The following CEP104 variants were observed in gnomAD, a reference collection of about 807,000 sequenced individuals.
CEP104 encodes the protein centrosomal protein of 104 kDa.
In CEP104, 84 loss-of-function variants were observed where a neutral mutation model predicts 113.3. The ratio of observed to expected loss-of-function variants is 0.74; its 90% CI spans 0.62 to 0.89. CEP104 has a LOEUF of 0.89. CEP104 is among the 40% of genes least tolerant of loss of function. CEP104 has a pLI of 0.00. For missense variants in CEP104, 1,053 were observed against 1,156.6 expected (o/e 0.91, Z 1.30); for synonymous variants, 378 against 421.7 (o/e 0.90, Z 1.27).
Position 3,840,279 on chromosome 1 carries a change from T to C in CEP104, c.567-503A>G, listed in dbSNP as rs78497666. 3.3e-5 allele frequency among the ~76,000 whole-genome samples: 5 copies of C among 152,232 alleles called. No homozygotes were observed. In the South Asian group the frequency reaches 8.3e-4, roughly 25 times the overall value. On this transcript the variant is annotated intron_variant, in intron 6 of 21. Coordinates refer to ENST00000378230, the MANE Select transcript of CEP104 (RefSeq NM_014704.4). The stretch of plus-strand genomic sequence containing the variant: ...GGAGGCGGAGTCTCACTCTGTTGCC[T>C]AGGCTGGAGTGCAATGGCGCAATCT...
Position 3,853,936 on chromosome 1 carries a change from C to A in CEP104, c.-14-1515G>T, listed in dbSNP as rs577984082. 4.6e-5 allele frequency among the ~76,000 whole-genome samples: 7 copies of A among 152,154 alleles called. No individual in the cohort carries two copies. In the East Asian group the frequency reaches 1.3e-3, roughly 29 times the overall value. On this transcript the variant is annotated intron_variant, in intron 1 of 21. Transcript: ENST00000378230. ...AGAGTGAGACCCCGTTTCTAAAAAA[C>A]CAAACAAAAAAAGAATTTTGAAAGG...
chr1:3,839,889 G>T, intron 6 of CEP104, 113 bp from the exon 7 acceptor site: 1 of 836,574 alleles, frequency 1.2e-6, no homozygotes, highest in African/African-American at 1.7e-5. Flanking sequence ...ATGGTTCACA[G>T]AGCATTTCCT....
rs1177899876 is a variant in CEP104 at position 3,822,970 on chromosome 1, A to G, written c.2571+204T>C. The G allele has an allele frequency of 1.7e-5, 10 of 602,434 alleles. No individual in the cohort carries two copies. The Admixed American group carries it at 2.7e-4, about 16-fold the overall frequency. 37.3% of individuals were successfully genotyped at this position (602,434 alleles called of 1,614,324 possible). A position where few individuals can be genotyped will look rare whatever the true frequency, so the allele number is the denominator to read the frequency against. ...TGAGGCTCCTCGATAAACCATTCAT[A>G]AATGTACGGAAGGAAATCATGTGAA... On this transcript the variant is annotated intron_variant, in intron 20 of 21. Coordinates refer to ENST00000378230, the MANE Select transcript of CEP104 (RefSeq NM_014704.4).
At position 3,823,412 on chromosome 1, in the gene CEP104, A is replaced by G; in HGVS notation, c.2503+12T>C. 1 of 1,614,178 alleles carries G rather than the reference A, an allele frequency of 6.2e-7. No homozygotes were observed. Among genetic ancestry groups the G allele is most frequent in the South Asian group, 1.1e-5 (1 of 91,084 alleles). ...GACCCGAGGGCACGGGAGCCTGGGA[A>G]GGGGCACTCACGGTTGCAATCCTTG... On this transcript the variant is annotated intron_variant, in intron 19 of 21. Coordinates refer to ENST00000378230, the MANE Select transcript of CEP104 (RefSeq NM_014704.4). The surrounding 1 kb of genome is among the most constrained non-coding windows in gnomAD (Gnocchi z 4.1).
intron 20 of CEP104, among the ~76,000 whole-genome samples, chr1:3,817,728 G>C (rs1279652580): frequency 6.6e-6 from 1 of 152,206 alleles, no homozygotes; most frequent in Non-Finnish European, 1.5e-5. Context: ...CCCCAGCACA[G>C]AGGTGGCAGG....
In CEP104 at chr1:3,837,523, G is replaced by C. The variant is rs771991943; in HGVS notation, c.892-4C>G. 21 of 1,613,294 alleles carry C rather than the reference G, an allele frequency of 1.3e-5. No individual in the cohort carries two copies. Among genetic ancestry groups the C allele is most frequent in the Non-Finnish European group, 1.8e-5 (21 of 1,179,418 alleles). ...GCAAATCAAAAGGTCTTCGCATCTA[G>C]AGAACAAAAAGGAACATTTAATTTC... On this transcript the variant is annotated splice_region_variant and splice_polypyrimidine_tract_variant and intron_variant, in intron 8 of 21. Transcript: ENST00000378230.
At chr1:3,818,087 G>A (rs1643907325) in intron 20 of CEP104, among the ~76,000 whole-genome samples, 1 of 152,256 alleles carries the variant, frequency 6.6e-6, no homozygotes, top group South Asian at 2.1e-4. Context: ...GCTGAACCCA[G>A]CCAGGCCAGC....
At chr1:3,832,652 T>A (rs559056577) in intron 12 of CEP104, among the ~76,000 whole-genome samples, 3 of 152,188 alleles carry the variant, frequency 2.0e-5, no homozygotes, top group Non-Finnish European at 2.9e-5. Flanking sequence ...TGAAACTAGA[T>A]CTGTGGTTCC....
At chr1:3,847,205 C>A (rs1024561403) in intron 4 of CEP104, among the ~76,000 whole-genome samples, 1 of 152,196 alleles carries the variant, frequency 6.6e-6, no homozygotes, top group African/African-American at 2.4e-5. Context: ...AACTCTTTCG[C>A]GTTCTCCTTT....
At chr1:3,832,516 G>GACCAGGAGTGTAGTGTAGGTCATA (rs1355018249) in intron 12 of CEP104, among the ~76,000 whole-genome samples, 2 of 89,538 alleles carry the variant, frequency 2.2e-5, no homozygotes, top group Non-Finnish European at 5.7e-5. Context: ...TGTAGGTCGT[G>GACCAGGAGTGTAGTGTAGGTCATA]ACCAGGAGTG....
chr1:3,834,090 G>A, intron 11 of CEP104, 55 bp from the exon 12 acceptor site: 4 of 1,361,536 alleles, frequency 2.9e-6, no homozygotes, highest in South Asian at 2.4e-5. Context: ...TCCACCAAGA[G>A]GAAACATGGC....
intron 20 of CEP104, 197 bp downstream of exon 20, chr1:3,822,977 C>A (rs894141099): frequency 3.3e-6 from 2 of 613,072 alleles, no homozygotes; most frequent in African/African-American, 1.8e-5. Context: ...CATAAATGTA[C>A]GGAAGGAAAT....
intron 18 of CEP104, 48 bp downstream of exon 18, chr1:3,825,710 G>C (rs1644076826): frequency 2.5e-6 from 3 of 1,212,334 alleles, no homozygotes; most frequent in Non-Finnish European, 3.7e-6. Flanking sequence ...TCAACAGCCA[G>C]GTGTTCCCGC....
chr1:3,833,446 G>T (rs1644254291), intron 12 of CEP104, among the ~76,000 whole-genome samples: 1 of 152,152 alleles, frequency 6.6e-6, no homozygotes, highest in Non-Finnish European at 1.5e-5. Flanking sequence ...ATAACTGTGT[G>T]CCCCAAAACT....
rs1336892020 is a variant in CEP104 at position 3,829,790 on chromosome 1, C to G, written c.2043+1G>C. On this transcript the variant is annotated splice_donor_variant, in intron 14 of 21. Transcript: ENST00000378230. LOFTEE classifies it high-confidence loss of function. ...TCACAACTTCACCAAAGTTAACTCA[C>G]CCTCATCTCAGCATCTGTAGCTCTG... 1.2e-6 allele frequency: 2 copies of G among 1,613,588 alleles called. No homozygotes were observed. The highest frequency in any genetic ancestry group is 2.7e-5 in the African/African-American group (2 of 74,920).
chr1:3,829,706 G>T, intron 14 of CEP104, 85 bp downstream of exon 14: 3 of 1,405,304 alleles, frequency 2.1e-6, no homozygotes, highest in Non-Finnish European at 3.0e-6. Flanking sequence ...TCCTTCAAAT[G>T]ACATATTTAC....
intron 15 of CEP104, among the ~76,000 whole-genome samples, chr1:3,827,065 T>A (rs1644106125): frequency 6.6e-6 from 1 of 151,898 alleles, no homozygotes; most frequent in Non-Finnish European, 1.5e-5. Flanking sequence ...GGAGGGAGGA[T>A]CACTTGAGCC....
chr1:3,833,050 T>C (rs561411580), intron 12 of CEP104, among the ~76,000 whole-genome samples: 11 of 150,604 alleles, frequency 7.3e-5, no homozygotes, highest in Non-Finnish European at 1.2e-4. Flanking sequence ...AGTGGCGTGA[T>C]CTCGGCTCAC....
At chr1:3,826,494 G>A (rs556481569) in intron 16 of CEP104, 58 bp from the exon 17 acceptor site, 1 of 1,513,088 alleles carries the variant, frequency 6.6e-7, no homozygotes, top group African/African-American at 1.4e-5. Flanking sequence ...CAAAATTTTA[G>A]TAAGCAGTTT....
Sources: allele counts gnomAD v4.1 joint callset (sites outside exome capture counted in the v4.1 genomes callset), GRCh38; gene constraint gnomAD v4.1.1; non-coding constraint Gnocchi (gnomAD v3.1); transcripts MANE v1.5; gene names NCBI Gene and HGNC (gene_info 2026-07-23, HGNC 2026-07-21).